Variants in SLC8A1 observed in about 807,000 individuals in gnomAD.
SLC8A1 encodes solute carrier family 8 member A1.
A neutral mutation model predicts 68.3 loss-of-function variants in SLC8A1; 18 were observed. The ratio of observed to expected loss-of-function variants is 0.26; its 90% CI spans 0.18 to 0.39. SLC8A1 has a LOEUF of 0.39. Among genes scored for constraint, SLC8A1 ranks in the 10% least tolerant of loss-of-function variants. SLC8A1 has a pLI of 1.00. For missense variants in SLC8A1, 985 were observed against 1,156.7 expected (o/e 0.85, Z 2.15); for synonymous variants, 475 against 415.5 (o/e 1.14, Z -1.74).
intron 2 of SLC8A1, among the ~76,000 whole-genome samples, chr2:40,343,457 A>G (rs1247139814): frequency 6.6e-6 from 1 of 152,140 alleles, no homozygotes; most frequent in Non-Finnish European, 1.5e-5. Context: ...TAACATCACA[A>G]ATTACCCTAA....
intron 2 of SLC8A1, among the ~76,000 whole-genome samples, chr2:40,312,198 A>G (rs941714165): frequency 6.6e-6 from 1 of 152,046 alleles, no homozygotes; most frequent in Non-Finnish European, 1.5e-5. Context: ...TGCTGAGCTT[A>G]TTGTTATCCA....
intron 2 of SLC8A1, among the ~76,000 whole-genome samples, chr2:40,188,856 G>A (rs557413759): frequency 6.6e-6 from 1 of 152,246 alleles, no homozygotes; most frequent in South Asian, 2.1e-4. Flanking sequence ...ATGTACTCTT[G>A]TAAAACATTC....
rs143728655 is a variant in SLC8A1, at chr2:40,319,801, A to T, written c.1808+108672T>A. On this transcript the variant is annotated intron_variant, in intron 2 of 7. Transcript: ENST00000406785. Reference sequence around the variant, plus strand: ...AGTTATTATGAACTCCCAAGTCCTAATTATTCTTCCACTTTCTTATCAATT... The same window carrying T: ...AGTTATTATGAACTCCCAAGTCCTATTTATTCTTCCACTTTCTTATCAATT... 3.5e-3 allele frequency among the ~76,000 whole-genome samples: 528 copies of T among 152,174 alleles called. 1 individual carries two copies. The highest frequency in any genetic ancestry group is 0.012 in the African/African-American group (495 of 41,532).
chr2:40,253,351 A>G (rs1460503666), intron 2 of SLC8A1, among the ~76,000 whole-genome samples: 2 of 150,930 alleles, frequency 1.3e-5, no homozygotes, highest in African/African-American at 2.5e-5. Context: ...TACACACACA[A>G]TGGAATATTG....
intron 1 of SLC8A1, among the ~76,000 whole-genome samples, chr2:40,443,846 A>G (rs963744906): frequency 5.3e-5 from 8 of 152,184 alleles, no homozygotes; most frequent in Non-Finnish European, 8.8e-5. Flanking sequence ...AGTGCCATCT[A>G]TAATATAACA....
In SLC8A1 at chr2:40,139,388, A is replaced by G. The variant is rs770131608; in HGVS notation, c.2437+13T>C. On this transcript the variant is annotated intron_variant, in intron 7 of 7. Coordinates refer to ENST00000406785, the Ensembl canonical transcript of SLC8A1. ...CTGCTACTGGGGGAATTATACATGA[A>G]TGTAATTTGTACCTGGCACTGATGT... 2 of 1,613,374 alleles carry G rather than the reference A, an allele frequency of 1.2e-6. No homozygotes were observed. The highest frequency in any genetic ancestry group is 2.2e-5 in the East Asian group (1 of 44,860).
At chr2:40,126,734 C>G (rs2038189828) in intron 7 of SLC8A1, among the ~76,000 whole-genome samples, 1 of 152,118 alleles carries the variant, frequency 6.6e-6, no homozygotes, top group East Asian at 1.9e-4. Context: ...TAAACACTCT[C>G]CATTCTATGG....
At chr2:40,400,798 A>G (rs193080916) in intron 2 of SLC8A1, among the ~76,000 whole-genome samples, 1 of 152,192 alleles carries the variant, frequency 6.6e-6, no homozygotes, top group African/African-American at 2.4e-5. Context: ...TCAGAATTGG[A>G]GCATCTGCCT....
At chr2:40,279,712 C>T (rs2067236501) in intron 2 of SLC8A1, among the ~76,000 whole-genome samples, 1 of 152,132 alleles carries the variant, frequency 6.6e-6, no homozygotes, top group Non-Finnish European at 1.5e-5. Flanking sequence ...ATTACATCAG[C>T]CTTGTAAAGT....
At chr2:40,293,447 C>T (rs1303410146) in intron 2 of SLC8A1, among the ~76,000 whole-genome samples, 1 of 152,176 alleles carries the variant, frequency 6.6e-6, no homozygotes, top group African/African-American at 2.4e-5. Context: ...AAACCTTAAT[C>T]TAAACTTGGA....
At chr2:40,451,123 G>T (rs977509139) in intron 1 of SLC8A1, among the ~76,000 whole-genome samples, 1 of 152,180 alleles carries the variant, frequency 6.6e-6, no homozygotes, top group Admixed American at 6.5e-5. Flanking sequence ...TCATTAAGGA[G>T]GAGCCAAAAA....
At chr2:40,388,882 T>C (rs1196924078) in intron 2 of SLC8A1, among the ~76,000 whole-genome samples, 3 of 152,088 alleles carry the variant, frequency 2.0e-5, no homozygotes, top group Non-Finnish European at 4.4e-5. Context: ...TAAAATCAGA[T>C]AAGAAAATTG....
chr2:40,435,161 G>A (rs1360642651), intron 1 of SLC8A1, among the ~76,000 whole-genome samples: 3 of 152,170 alleles, frequency 2.0e-5, no homozygotes, highest in Admixed American at 6.5e-5. Flanking sequence ...GCCTTCATCA[G>A]TACTTGGAAT....
intron 2 of SLC8A1, among the ~76,000 whole-genome samples, chr2:40,233,773 A>G (rs1360497309): frequency 1.3e-5 from 2 of 151,768 alleles, no homozygotes; most frequent in Non-Finnish European, 2.9e-5. Context: ...TGATTTTTGT[A>G]TAAGGTGTCA....
At chr2:40,195,294 A>C (rs1189451098) in intron 2 of SLC8A1, among the ~76,000 whole-genome samples, 1 of 152,092 alleles carries the variant, frequency 6.6e-6, no homozygotes, top group Non-Finnish European at 1.5e-5. Flanking sequence ...TAAATGAAAG[A>C]CTGGACTTTT....
intron 2 of SLC8A1, among the ~76,000 whole-genome samples, chr2:40,235,486 CTCT>C: frequency 6.6e-6 from 1 of 152,036 alleles, no homozygotes; most frequent in Non-Finnish European, 1.5e-5. Flanking sequence ...TGAGTCTTCT[CTCT>C]TTTTTTCTTT....
At chr2:40,308,729 G>C (rs2073131695) in intron 2 of SLC8A1, among the ~76,000 whole-genome samples, 1 of 152,122 alleles carries the variant, frequency 6.6e-6, no homozygotes, top group Non-Finnish European at 1.5e-5. Flanking sequence ...CAGTCCTATG[G>C]GGGAAAGGGA....
intron 2 of SLC8A1, among the ~76,000 whole-genome samples, chr2:40,365,787 G>C (rs1257918485): frequency 6.6e-6 from 1 of 151,922 alleles, no homozygotes; most frequent in Non-Finnish European, 1.5e-5. Context: ...GATTGCTTGA[G>C]GCCAGGAGTT....
chr2:40,233,219 T>C (rs1209831324), intron 2 of SLC8A1, among the ~76,000 whole-genome samples: 1 of 152,156 alleles, frequency 6.6e-6, no homozygotes, highest in Non-Finnish European at 1.5e-5. Context: ...CCACCAACAG[T>C]GTAAAAGTGT....
Sources: gnomAD v4.1 joint callset for allele counts (sites outside exome capture counted in the v4.1 genomes callset) on GRCh38, gnomAD v4.1.1 for gene constraint, MANE v1.5 for transcripts, NCBI Gene and HGNC (gene_info 2026-07-23, HGNC 2026-07-21) for gene names.